ZFAND3: variants seen among roughly 807,000 people sequenced by gnomAD.
ZFAND3 encodes the protein AN1-type zinc finger protein 3.
ZFAND3 carries 10 observed loss-of-function variants against 29.6 expected under a neutral mutation model. That is an observed-to-expected ratio of 0.34 (90% CI 0.21 to 0.57). ZFAND3 has a LOEUF of 0.57. Ranked by LOEUF, ZFAND3 falls within the 20% of genes least tolerant of loss-of-function variation. The pLI is 0.86. For missense variants in ZFAND3, 230 were observed against 304.5 expected (o/e 0.76, Z 1.82); for synonymous variants, 128 against 112.6 (o/e 1.14, Z -0.87).
intron 1 of ZFAND3, among the ~76,000 whole-genome samples, chr6:37,840,143 G>A (rs1272912918): frequency 3.3e-5 from 5 of 151,770 alleles, no homozygotes. Context: ...TGTTGCCCAA[G>A]CTGGAGTGCA....
At chr6:37,952,067 TG>T (rs1762008246) in intron 2 of ZFAND3, among the ~76,000 whole-genome samples, 1 of 152,182 alleles carries the variant, frequency 6.6e-6, no homozygotes, top group African/African-American at 2.4e-5. Flanking sequence ...TTGATCATAG[TG>T]GATTAGCTTT....
intron 2 of ZFAND3, among the ~76,000 whole-genome samples, chr6:37,980,858 A>G (rs1380433762): frequency 2.0e-5 from 3 of 152,192 alleles, no homozygotes; most frequent in South Asian, 2.1e-4. Context: ...AGATTAAAAC[A>G]TAAAGGAAAA....
At chr6:38,079,246 A>G (rs1334702506) in intron 3 of ZFAND3, among the ~76,000 whole-genome samples, 1 of 152,122 alleles carries the variant, frequency 6.6e-6, no homozygotes, top group African/African-American at 2.4e-5. Flanking sequence ...CAAAGCTGGG[A>G]TATATTATTA....
chr6:38,020,130 C>T (rs779534884), intron 2 of ZFAND3, among the ~76,000 whole-genome samples: 2 of 152,168 alleles, frequency 1.3e-5, no homozygotes, highest in Non-Finnish European at 2.9e-5. Context: ...AGCTTTGTTA[C>T]CTAACTGCTG....
chr6:38,108,173 A>G (rs975959180), intron 4 of ZFAND3, among the ~76,000 whole-genome samples: 1 of 152,178 alleles, frequency 6.6e-6, no homozygotes, highest in Non-Finnish European at 1.5e-5. Flanking sequence ...TGCCCTTATT[A>G]TTAGATATCT....
intron 2 of ZFAND3, among the ~76,000 whole-genome samples, chr6:38,041,667 CT>C (rs1561976700): frequency 1.7e-4 from 4 of 23,452 alleles, no homozygotes; most frequent in African/African-American, 4.8e-4. Context: ...TCTTCTTCTT[CT>C]TCTTCTTCTT....
rs138595400 is a variant in ZFAND3 at position 37,947,147 on chromosome 6, A to C, written c.112+17148A>C. 1.8e-4 allele frequency among the ~76,000 whole-genome samples: 27 copies of C among 152,316 alleles called. No homozygotes were observed. The East Asian group carries it at 4.0e-3, about 23-fold the overall frequency. ...AGTTTTGTTCTTTACACTTGCCAAA[A>C]TCTTTCTTTGTTCAAATTTCTTTTA... On this transcript the variant is annotated intron_variant, in intron 2 of 5. Transcript: ENST00000287218.
At chr6:37,978,043 C>T (rs147829951) in intron 2 of ZFAND3, among the ~76,000 whole-genome samples, 1 of 151,842 alleles carries the variant, frequency 6.6e-6, no homozygotes, top group East Asian at 1.9e-4. Context: ...AGTGATTCTC[C>T]TGCCTCAGCC....
intron 5 of ZFAND3, among the ~76,000 whole-genome samples, chr6:38,142,484 G>C (rs1241009818): frequency 6.6e-6 from 1 of 152,224 alleles, no homozygotes; most frequent in Non-Finnish European, 1.5e-5. Context: ...GATGGAATGC[G>C]TGCCTCCCCT....
At chr6:38,012,801 A>G (rs1179495598) in intron 2 of ZFAND3, among the ~76,000 whole-genome samples, 1 of 152,208 alleles carries the variant, frequency 6.6e-6, no homozygotes, top group Non-Finnish European at 1.5e-5. Flanking sequence ...GCCACCCTCT[A>G]GTGGCTGCTC....
chr6:37,960,923 T>C (rs556576023), intron 2 of ZFAND3, among the ~76,000 whole-genome samples: 1 of 151,252 alleles, frequency 6.6e-6, no homozygotes, highest in East Asian at 1.9e-4. Context: ...TTACCAAAAA[T>C]TAAAAAAAAA....
chr6:37,921,631 A>G (rs1761381102), intron 1 of ZFAND3, among the ~76,000 whole-genome samples: 1 of 152,174 alleles, frequency 6.6e-6, no homozygotes, highest in South Asian at 2.1e-4. Context: ...ATTCCCCAAG[A>G]TGAATTAGCA....
chr6:37,991,593 G>T (rs1303849674), intron 2 of ZFAND3, among the ~76,000 whole-genome samples: 2 of 152,066 alleles, frequency 1.3e-5, no homozygotes, highest in African/African-American at 2.4e-5. Flanking sequence ...CCTCAGGTGA[G>T]CCACCTGTCT....
chr6:38,115,953 T>G (rs1581930826), intron 4 of ZFAND3, among the ~76,000 whole-genome samples: 1 of 152,310 alleles, frequency 6.6e-6, no homozygotes, highest in East Asian at 1.9e-4. Flanking sequence ...CTTGCATGTG[T>G]ACCAGCAGAG....
intron 2 of ZFAND3, among the ~76,000 whole-genome samples, chr6:37,958,813 A>G (rs763417660): frequency 1.3e-5 from 2 of 150,768 alleles, no homozygotes; most frequent in Admixed American, 1.3e-4. Context: ...GTAAATTTCC[A>G]TAGGGATAGA....
In ZFAND3 at chr6:38,112,934, G is replaced by A. The variant is rs562255740; in HGVS notation, c.362-3638G>A. Among the ~76,000 whole-genome samples the A allele has an allele frequency of 1.1e-4, 17 of 152,222 alleles. No individual in the cohort carries two copies. In the East Asian group the frequency reaches 1.2e-3, roughly 10 times the overall value. On this transcript the variant is annotated intron_variant, in intron 4 of 5. Coordinates refer to ENST00000287218, the MANE Select transcript of ZFAND3 (RefSeq NM_021943.3). ...CTAAGTTGACTTGTGAGAAAATGCC[G>A]GAGAATGGTTTGCTTCTCGAAGAAA...
At chr6:38,065,491 C>A (rs1376219634) in intron 3 of ZFAND3, among the ~76,000 whole-genome samples, 2 of 152,270 alleles carry the variant, frequency 1.3e-5, no homozygotes, top group East Asian at 3.9e-4. Context: ...ATAATGTTAG[C>A]TCACATTTAT....
At chr6:37,937,314 T>C (rs948661554) in intron 2 of ZFAND3, among the ~76,000 whole-genome samples, 1 of 152,180 alleles carries the variant, frequency 6.6e-6, no homozygotes, top group Admixed American at 6.5e-5. Context: ...ATAGTGGAAT[T>C]TGTAAGCTTG....
At position 38,052,988 on chromosome 6, in the gene ZFAND3, C is replaced by T. The variant is rs188479829; in HGVS notation, c.113-8605C>T. 2.8e-3 allele frequency among the ~76,000 whole-genome samples: 421 copies of T among 149,664 alleles called. 4 individuals are homozygous for T. The highest frequency in any genetic ancestry group is 3.9e-3 in the Non-Finnish European group (261 of 67,712). ...GGCGGAGGTTGCAGTAAGCCAAGAT[C>T]GTGCCACTGCACTCTAGCCTGGGCG... is the stretch of plus-strand genomic sequence containing the variant. On this transcript the variant is annotated intron_variant, in intron 2 of 5. Transcript: ENST00000287218.
Sources: allele counts gnomAD v4.1 joint callset (sites outside exome capture counted in the v4.1 genomes callset), GRCh38; gene constraint gnomAD v4.1.1; transcripts MANE v1.5; gene names NCBI Gene and HGNC (gene_info 2026-07-23, HGNC 2026-07-21).